RMP64: variants seen among roughly 807,000 people sequenced by gnomAD.
The protein encoded by RMP64 is nucleolus and neural progenitor protein.
At chr3:113,005,786 G>A in the RMP64 span, 1 of 1,613,534 alleles carries the variant, frequency 6.2e-7, no homozygotes, top group Non-Finnish European at 8.5e-7. Context: ...TCTCCACTTA[G>A]CACTGGTATC....
At chr3:113,011,044 C>T in the RMP64 span, 1 of 1,578,976 alleles carries the variant, frequency 6.3e-7, no homozygotes, top group Non-Finnish European at 8.6e-7. Flanking sequence ...AAGCAAATTA[C>T]CTTTGAAGAC....
chr3:113,010,024 T>C, the RMP64 span, among the ~76,000 whole-genome samples: 1 of 149,628 alleles, frequency 6.7e-6, no homozygotes, highest in African/African-American at 2.4e-5. Context: ...GATGTACTTA[T>C]ATGCTGTTAG....
At chr3:113,004,252 G>C in the RMP64 span, 1 of 152,170 alleles carries the variant, frequency 6.6e-6, no homozygotes, top group African/African-American at 2.4e-5. Flanking sequence ...TGGATTTGGG[G>C]GCCACCTGGA....
the RMP64 span, chr3:113,004,735 A>G: frequency 1.3e-5 from 2 of 152,200 alleles, no homozygotes; most frequent in South Asian, 4.1e-4. Context: ...CCAAATTATA[A>G]ATGTTCTAGC....
chr3:113,013,394 C>T, the RMP64 span: 1 of 1,588,832 alleles, frequency 6.3e-7, no homozygotes, highest in Non-Finnish European at 8.5e-7. Context: ...TAGTTAAGGG[C>T]TGATTTTCAC....
chr3:113,013,499 G>C, the RMP64 span: 1 of 1,133,302 alleles, frequency 8.8e-7, no homozygotes, highest in East Asian at 2.6e-5. Context: ...TTATTATAAA[G>C]GATATGACAA....
chr3:113,005,297 G>A, the RMP64 span: 1 of 515,786 alleles, frequency 1.9e-6, no homozygotes, highest in African/African-American at 1.9e-5. Flanking sequence ...AGGGTAGGCT[G>A]TGGCAGATTT....
At chr3:113,009,117 G>A in the RMP64 span, among the ~76,000 whole-genome samples, 1 of 152,126 alleles carries the variant, frequency 6.6e-6, no homozygotes, top group African/African-American at 2.4e-5. Context: ...TATTAAAAAT[G>A]CTCAATTGAG....
chr3:113,013,460 T>TG, the RMP64 span: 3 of 1,283,118 alleles, frequency 2.3e-6, no homozygotes, highest in Non-Finnish European at 2.0e-6. Context: ...GGTTTTTTTT[T>TG]TGTTTTTTTT....
At chr3:113,010,894 T>C in the RMP64 span, 2 of 834,656 alleles carry the variant, frequency 2.4e-6, no homozygotes, top group East Asian at 5.3e-5. Context: ...AAAGCACAGG[T>C]ATTACCATAC....
the RMP64 span, chr3:113,004,146 G>T: frequency 6.6e-6 from 1 of 152,170 alleles, no homozygotes; most frequent in East Asian, 1.9e-4. Context: ...CCACTTGGTA[G>T]AAAGCCAAAA....
chr3:113,019,258 C>A, the RMP64 span: 29 of 474,714 alleles, frequency 6.1e-5, no homozygotes, highest in Admixed American at 1.2e-4. Flanking sequence ...CCAGCTGAGT[C>A]CACCTCTCTC....
the RMP64 span, among the ~76,000 whole-genome samples, chr3:113,012,093 T>C: frequency 6.6e-6 from 1 of 152,166 alleles, no homozygotes; most frequent in Non-Finnish European, 1.5e-5. Flanking sequence ...AAATTCTAAT[T>C]ATCCATCAGA....
At chr3:113,018,009 C>T in the RMP64 span, among the ~76,000 whole-genome samples, 8 of 152,196 alleles carry the variant, frequency 5.3e-5, no homozygotes, top group East Asian at 1.4e-3. Context: ...TCGCTATGCC[C>T]GAAAGCAAGA....
At chr3:113,006,092 T>C in the RMP64 span, 1 of 872,354 alleles carries the variant, frequency 1.1e-6, no homozygotes, top group Non-Finnish European at 1.8e-6. Context: ...AAAAGAAAAA[T>C]ACACAACTTA....
chr3:113,011,452 T>C, the RMP64 span: 26 of 1,498,994 alleles, frequency 1.7e-5, no homozygotes, highest in African/African-American at 3.1e-4. Context: ...TAATTACAAT[T>C]TGCAGATTAC....
the RMP64 span, chr3:113,005,401 A>G: frequency 1.6e-6 from 1 of 625,860 alleles, no homozygotes; most frequent in South Asian, 1.9e-5. Context: ...CTGAACTGAA[A>G]TGAACTCCTG....
chr3:113,019,406 C>T, the RMP64 span: 1 of 673,448 alleles, frequency 1.5e-6, no homozygotes, highest in Admixed American at 2.5e-5. Context: ...ACCGCTCGAC[C>T]CCTACGTGCC....
chr3:113,008,382 T>G, the RMP64 span: 3 of 1,613,446 alleles, frequency 1.9e-6, no homozygotes, highest in Non-Finnish European at 2.5e-6. Context: ...GAAGAATACT[T>G]GGTTGTCTTT....
Sources: allele counts gnomAD v4.1 joint callset (sites outside exome capture counted in the v4.1 genomes callset), GRCh38; gene constraint gnomAD v4.1.1; transcripts MANE v1.5; gene names NCBI Gene and HGNC (gene_info 2026-07-23, HGNC 2026-07-21).